RMDN2: variants seen among roughly 807,000 people sequenced by gnomAD.
RMDN2 encodes regulator of microtubule dynamics protein 2.
RMDN2 carries 61 observed loss-of-function variants against 52.8 expected under a neutral mutation model. That is an observed-to-expected ratio of 1.16 (90% CI 0.94 to 1.43). RMDN2 has a LOEUF of 1.43. Among genes scored for constraint, RMDN2 ranks in the 40% most tolerant of loss-of-function variants. RMDN2 has a pLI of 0.00. For missense variants in RMDN2, 592 were observed against 475.3 expected (o/e 1.25, Z -2.28); for synonymous variants, 180 against 153.1 (o/e 1.18, Z -1.30).
chr2:38,030,172 C>T (rs1201779929), intron 10 of RMDN2: 1 of 152,212 alleles, frequency 6.6e-6, no homozygotes, highest in African/African-American at 2.4e-5. Flanking sequence ...CAGCGCCAGC[C>T]TTAGACCAAA....
chr2:38,046,002 A>T (rs1681251731), intron 10 of RMDN2, among the ~76,000 whole-genome samples: 1 of 152,176 alleles, frequency 6.6e-6, no homozygotes, highest in Admixed American at 6.5e-5. Flanking sequence ...TATCAGGATG[A>T]CTCAGGGAAT....
At chr2:38,060,579 T>C (rs1467154601) in intron 10 of RMDN2, among the ~76,000 whole-genome samples, 5 of 152,164 alleles carry the variant, frequency 3.3e-5, no homozygotes, top group Non-Finnish European at 5.9e-5. Context: ...TTTGGCCTTC[T>C]GAATGTGAGC....
Position 38,017,294 on chromosome 2 carries a change from A to G in RMDN2, c.*55A>G, listed in dbSNP as rs17021849. 13,658 of 1,475,776 alleles carry G rather than the reference A, an allele frequency of 9.3e-3. 1,089 individuals are homozygous for G. The African/African-American group carries it at 0.17, about 19-fold the overall frequency. 91.4% of individuals were successfully genotyped at this position (1,475,776 alleles called of 1,614,324 possible). Reference sequence around the variant, plus strand: ...ATGTGGTCTACCAAAATTTAAATGAATCAAAGTTGTGCTTTTATTATCCTT... The same window carrying G: ...ATGTGGTCTACCAAAATTTAAATGAGTCAAAGTTGTGCTTTTATTATCCTT... On this transcript the variant is annotated 3_prime_UTR_variant, in exon 11 of 11. Transcript: ENST00000354545.
At chr2:38,021,033 C>T (rs1206780404), downstream of RMDN2, among the ~76,000 whole-genome samples, 2 of 152,160 alleles carry the variant, frequency 1.3e-5, no homozygotes, top group African/African-American at 4.8e-5. Context: ...ATACACCAAT[C>T]AGCACTCTGT....
At chr2:37,965,720 T>C (rs998802963) in intron 2 of RMDN2, among the ~76,000 whole-genome samples, 6 of 152,228 alleles carry the variant, frequency 3.9e-5, no homozygotes, top group African/African-American at 1.4e-4. Context: ...ATTATATTTT[T>C]GTATGGTTCA....
chr2:37,925,841 G>T (rs1168561700), intron 1 of RMDN2, among the ~76,000 whole-genome samples: 1 of 152,220 alleles, frequency 6.6e-6, no homozygotes, highest in Admixed American at 6.5e-5. Context: ...TGTTTGTGTG[G>T]GGTTTTTTTT....
At chr2:38,000,436 C>A (rs773075993) in intron 8 of RMDN2, among the ~76,000 whole-genome samples, 2 of 152,178 alleles carry the variant, frequency 1.3e-5, no homozygotes, top group Non-Finnish European at 2.9e-5. Context: ...ACCACTGTAA[C>A]CACCACCATT....
At chr2:38,015,284 C>T (rs1222663354) in intron 10 of RMDN2, among the ~76,000 whole-genome samples, 2 of 152,076 alleles carry the variant, frequency 1.3e-5, no homozygotes, top group African/African-American at 4.8e-5. Flanking sequence ...TGTTGACCCT[C>T]GACTGGGCGT....
At chr2:38,027,616 G>C (rs1679876211) in intron 10 of RMDN2, among the ~76,000 whole-genome samples, 1 of 152,128 alleles carries the variant, frequency 6.6e-6, no homozygotes, top group African/African-American at 2.4e-5. Context: ...TATTAAATTA[G>C]ACATTGGTTA....
At chr2:38,015,252 T>C (rs1362208388) in intron 10 of RMDN2, among the ~76,000 whole-genome samples, 1 of 152,210 alleles carries the variant, frequency 6.6e-6, no homozygotes, top group Non-Finnish European at 1.5e-5. Context: ...GACTGAGTTC[T>C]TGACAGTACA....
At position 37,987,036 on chromosome 2, in the gene RMDN2, A is replaced by C. The variant is rs868589109; in HGVS notation, c.792-2505A>C. 2.6e-5 allele frequency among the ~76,000 whole-genome samples: 4 copies of C among 152,084 alleles called. No homozygotes were observed. The South Asian group carries it at 8.3e-4, about 32-fold the overall frequency. On this transcript the variant is annotated intron_variant, in intron 5 of 10. Transcript: ENST00000354545. ...TGCAGATTGGGAGGGAAGAAATAAA[A>C]TTGTTTGCAAAGACAATGATATGAT...
chr2:37,959,797 A>G (rs941328537), intron 2 of RMDN2, among the ~76,000 whole-genome samples: 1 of 150,756 alleles, frequency 6.6e-6, no homozygotes, highest in Non-Finnish European at 1.5e-5. Flanking sequence ...AGTGCTATAA[A>G]TTTCCCTCTA....
chr2:37,954,801 CATCTT>C lies in RMDN2; in HGVS notation c.453-19237_453-19233del, dbSNP rs541782758. ...TGTAGATTATTTTGGGTAGGATTGA[CATCTT>C]AACATTATAAACTTTCAAATCCACA... is the stretch of plus-strand genomic sequence containing the variant. On this transcript the variant is annotated intron_variant, in intron 2 of 10. Transcript: ENST00000354545. Among the ~76,000 whole-genome samples the C allele has an allele frequency of 2.1e-3, 320 of 152,192 alleles. 1 individual carries two copies. Among genetic ancestry groups the C allele is most frequent in the African/African-American group, 7.4e-3 (307 of 41,536 alleles).
chr2:37,983,067 C>G (rs772512050), intron 5 of RMDN2, among the ~76,000 whole-genome samples: 3 of 151,786 alleles, frequency 2.0e-5, no homozygotes, highest in Non-Finnish European at 4.4e-5. Flanking sequence ...CTCCTCTGTT[C>G]CCTCCCCTCC....
intron 2 of RMDN2, among the ~76,000 whole-genome samples, chr2:37,953,507 G>A (rs1284426628): frequency 6.6e-6 from 1 of 151,962 alleles, no homozygotes; most frequent in African/African-American, 2.4e-5. Context: ...CCATGTTACA[G>A]CATATGTCAG....
intron 7 of RMDN2, among the ~76,000 whole-genome samples, chr2:37,991,957 T>C (rs1268790536): frequency 6.6e-6 from 1 of 152,244 alleles, no homozygotes; most frequent in Non-Finnish European, 1.5e-5. Context: ...GACAATGCCA[T>C]TTTTGAATGA....
intron 10 of RMDN2, among the ~76,000 whole-genome samples, chr2:38,038,883 C>T (rs911172537): frequency 2.6e-5 from 4 of 152,140 alleles, no homozygotes; most frequent in East Asian, 3.9e-4. Context: ...TGATAGGTTT[C>T]GCCCCTTTCA....
intron 2 of RMDN2, among the ~76,000 whole-genome samples, chr2:37,934,113 A>G (rs1037160675): frequency 6.6e-6 from 1 of 152,190 alleles, no homozygotes; most frequent in Non-Finnish European, 1.5e-5. Flanking sequence ...CTCTTTTGCA[A>G]TAGGTACCTG....
rs1348186353 is a variant in RMDN2 at position 37,929,394 on chromosome 2, A to G, written c.117A>G (p.Leu39=). The change falls in exon 2 of 11, where the codon TTA becomes TTG. Residue 39 remains leucine (L), a synonymous_variant. Transcript: ENST00000354545. ...KVRKPGIAMK[L]PEFLSLGNTF... ...GTAAACCAGGGATAGCAATGAAGTT[A>G]CCTGAATTTCTTTCTCTGGGTAATA... 7 of 1,551,514 alleles carry G rather than the reference A, an allele frequency of 4.5e-6. No homozygotes were observed. In the Admixed American group the frequency reaches 1.4e-4, roughly 30 times the overall value.
Sources: allele counts gnomAD v4.1 joint callset (sites outside exome capture counted in the v4.1 genomes callset), GRCh38; gene constraint gnomAD v4.1.1; transcripts MANE v1.5; gene names NCBI Gene and HGNC (gene_info 2026-07-23, HGNC 2026-07-21).